The following ASB3 variants were observed in gnomAD, a reference collection of about 807,000 sequenced individuals.
The protein encoded by ASB3 is ankyrin repeat and SOCS box protein 3.
A neutral mutation model predicts 54.5 loss-of-function variants in ASB3; 41 were observed. That is an observed-to-expected ratio of 0.75 (90% CI 0.59 to 0.98). ASB3 has a LOEUF of 0.98. Ranked by LOEUF, ASB3 falls within the 50% of genes least tolerant of loss-of-function variation. ASB3 has a pLI of 0.00. For synonymous variants in ASB3, 266 were observed against 221.2 expected, an observed-to-expected ratio of 1.20 and a Z score of -1.80; for missense variants, 733 against 620.0, an observed-to-expected ratio of 1.18 and a Z score of -1.94.
In ASB3 at chr2:53,692,538, A is replaced by G. The variant is rs1338391473; in HGVS notation, c.1369+1346T>C. On this transcript the variant is annotated intron_variant, in intron 9 of 9. Transcript: ENST00000263634. Reference sequence around the variant, plus strand: ...TTATTACCCTACACAAACTCTACCTAGTACTTAATTAAACAAGAAGCCCTT... The same window carrying G: ...TTATTACCCTACACAAACTCTACCTGGTACTTAATTAAACAAGAAGCCCTT... 2.0e-5 allele frequency among the ~76,000 whole-genome samples: 3 copies of G among 152,182 alleles called. No individual in the cohort carries two copies. In the East Asian group the frequency reaches 5.8e-4, roughly 29 times the overall value.
intron 2 of ASB3, among the ~76,000 whole-genome samples, chr2:53,759,425 G>A (rs973228849): frequency 1.3e-5 from 2 of 152,168 alleles, no homozygotes; most frequent in African/African-American, 4.8e-5. Context: ...TAATCTTAAA[G>A]GATAAGTTTA....
At chr2:53,740,107 G>T (rs1290699091) in intron 3 of ASB3, among the ~76,000 whole-genome samples, 1 of 152,138 alleles carries the variant, frequency 6.6e-6, no homozygotes, top group African/African-American at 2.4e-5. Flanking sequence ...TGGCTATGCA[G>T]AAATCATCTA....
intron 7 of ASB3, among the ~76,000 whole-genome samples, chr2:53,709,827 C>T (rs1032998230): frequency 6.6e-5 from 10 of 152,074 alleles, no homozygotes; most frequent in South Asian, 4.1e-4. Context: ...ATGTGATCTG[C>T]GGAGGTGACA....
chr2:53,749,980 T>C (rs1443731839), intron 3 of ASB3, among the ~76,000 whole-genome samples: 1 of 152,088 alleles, frequency 6.6e-6, no homozygotes, highest in Admixed American at 6.5e-5. Context: ...AAAAGTACTT[T>C]CACAGACAAC....
chr2:53,704,997 G>C (rs35772199), intron 7 of ASB3, among the ~76,000 whole-genome samples: 24,953 of 152,082 alleles, frequency 0.16, 2,116 homozygotes, highest in South Asian at 0.23. Flanking sequence ...ACATTGACCT[G>C]TGATCCTACT....
intron 9 of ASB3, among the ~76,000 whole-genome samples, chr2:53,676,945 T>G (rs923973709): frequency 6.6e-6 from 1 of 152,116 alleles, no homozygotes; most frequent in Admixed American, 6.6e-5. Context: ...ATTTTTGTAT[T>G]TTTGGTAGAG....
At chr2:53,690,228 C>G (rs1021201279) in intron 9 of ASB3, among the ~76,000 whole-genome samples, 1 of 151,806 alleles carries the variant, frequency 6.6e-6, no homozygotes, top group Non-Finnish European at 1.5e-5. Flanking sequence ...AGAACAAGAC[C>G]CTGTCCCCCC....
chr2:53,697,390 A>G (rs1669242417), intron 8 of ASB3, among the ~76,000 whole-genome samples: 1 of 152,198 alleles, frequency 6.6e-6, no homozygotes, highest in Non-Finnish European at 1.5e-5. Context: ...TGCTCTGCCT[A>G]TGAAATAGCC....
intron 1 of ASB3, among the ~76,000 whole-genome samples, chr2:53,773,558 G>A (rs887550715): frequency 6.6e-6 from 1 of 152,052 alleles, no homozygotes; most frequent in South Asian, 2.1e-4. Flanking sequence ...AGCCTCCTGA[G>A]TAGCTGGGAT....
chr2:53,786,842 A>T lies in ASB3; in HGVS notation c.-35T>A, dbSNP rs1011155182. 15 of 216,930 alleles carry T rather than the reference A, an allele frequency of 6.9e-5. No homozygotes were observed. The highest frequency in any genetic ancestry group is 3.2e-4 in the African/African-American group (14 of 43,556). 13.4% of individuals were successfully genotyped at this position (216,930 alleles called of 1,614,324 possible). On this transcript the variant is annotated 5_prime_UTR_variant, in exon 1 of 10. Transcript: ENST00000263634. ...CGACCTGCCGTGCTGCCACTTCTAC[A>T]CCGAAATGGCTGGTCCGAGGCCGCG...
intron 1 of ASB3, among the ~76,000 whole-genome samples, chr2:53,782,163 C>T (rs1338744851): frequency 2.6e-5 from 4 of 152,080 alleles, no homozygotes; most frequent in Admixed American, 6.6e-5. Context: ...GGTGACAAAG[C>T]GAGACCCTGT....
At chr2:53,759,441 C>G (rs1673017473) in intron 2 of ASB3, among the ~76,000 whole-genome samples, 1 of 152,196 alleles carries the variant, frequency 6.6e-6, no homozygotes, top group South Asian at 2.1e-4. Flanking sequence ...GTTTATCACT[C>G]AGTCAGCTGC....
intron 3 of ASB3, among the ~76,000 whole-genome samples, chr2:53,734,647 T>G (rs920076684): frequency 1.3e-5 from 2 of 152,224 alleles, no homozygotes; most frequent in Non-Finnish European, 2.9e-5. Context: ...TGTAAAGCTA[T>G]TCCCTTGAAA....
chr2:53,706,059 T>G (rs1403699434), intron 7 of ASB3, among the ~76,000 whole-genome samples: 4 of 152,204 alleles, frequency 2.6e-5, no homozygotes, highest in African/African-American at 9.7e-5. Context: ...TTTTCACAAC[T>G]GTTAGCTCAT....
At chr2:53,693,172 C>T (rs569783138) in intron 9 of ASB3, among the ~76,000 whole-genome samples, 1 of 152,064 alleles carries the variant, frequency 6.6e-6, no homozygotes, top group Non-Finnish European at 1.5e-5. Context: ...ATATGGTTAA[C>T]AAAATATAGT....
chr2:53,716,848 T>C, intron 5 of ASB3, 105 bp from the exon 6 acceptor site: 1 of 1,247,038 alleles, frequency 8.0e-7, no homozygotes. Flanking sequence ...CACGGTAAGC[T>C]TTTCCCTCTT....
At chr2:53,770,335 G>A (rs1673811506) in intron 1 of ASB3, among the ~76,000 whole-genome samples, 1 of 151,944 alleles carries the variant, frequency 6.6e-6, no homozygotes, top group African/African-American at 2.4e-5. Flanking sequence ...AAAGGAAATA[G>A]CAACAAAGAT....
At chr2:53,687,024 G>T (rs6743627) in intron 9 of ASB3, among the ~76,000 whole-genome samples, 82,747 of 152,050 alleles carry the variant, frequency 0.54, 23,235 homozygotes, top group African/African-American at 0.68. Context: ...CTGGCCAATT[G>T]CTCCTTTCTT....
Position 53,729,442 on chromosome 2 carries a change from T to C in ASB3, c.468+16A>G. On this transcript the variant is annotated intron_variant, in intron 4 of 9. Transcript: ENST00000263634. ...CACAATTTACATGGAAATGAAATAATAAATTCAGAGGTTACCTGAAAAGAA... is the reference window on the plus strand; with the variant it reads ...CACAATTTACATGGAAATGAAATAACAAATTCAGAGGTTACCTGAAAAGAA... The C allele has an allele frequency of 1.2e-6, 2 of 1,611,562 alleles. No homozygotes were observed. The highest frequency in any genetic ancestry group is 1.7e-6 in the Non-Finnish European group (2 of 1,178,106).
Sources: allele counts gnomAD v4.1 joint callset (sites outside exome capture counted in the v4.1 genomes callset), GRCh38; gene constraint gnomAD v4.1.1; transcripts MANE v1.5; gene names NCBI Gene and HGNC (gene_info 2026-07-23, HGNC 2026-07-21).